The following CNKSR2 variants were observed in gnomAD, a reference collection of about 807,000 sequenced individuals.
CNKSR2 encodes CNK homolog protein 2.
A neutral mutation model predicts 84.4 loss-of-function variants in CNKSR2; 14 were observed. The observed-to-expected ratio is 0.17, with a 90% CI of 0.11 to 0.26. The LOEUF is 0.26. CNKSR2 is among the 10% of genes least tolerant of loss of function. The pLI, the probability that CNKSR2 is intolerant of heterozygous loss-of-function variation, is 1.00. For missense variants in CNKSR2, 485 were observed against 771.2 expected (o/e 0.63, Z 4.40); for synonymous variants, 275 against 277.9 (o/e 0.99, Z 0.10).
rs936173534 is a variant in CNKSR2 at position 21,519,906 on chromosome X, C to A, written c.957+3275C>A. 3.3e-4 allele frequency among the ~76,000 whole-genome samples: 37 copies of A among 110,663 alleles called. 1 individual carries two copies. Among genetic ancestry groups the A allele is most frequent in the African/African-American group, 1.1e-3 (33 of 30,704 alleles). Reference sequence around the variant, plus strand: ...ATGATTTTTTAAACTTATAAGGAATCGTTTTTATCTATACAAATAAAACAA... The same window carrying A: ...ATGATTTTTTAAACTTATAAGGAATAGTTTTTATCTATACAAATAAAACAA... On this transcript the variant is annotated intron_variant, in intron 9 of 21. Transcript: ENST00000379510.
At chrX:21,465,805 G>T (rs1466646695) in intron 4 of CNKSR2, among the ~76,000 whole-genome samples, 3 of 111,250 alleles carry the variant, frequency 2.7e-5, no homozygotes, top group Non-Finnish European at 3.8e-5. Context: ...TGACCCACCA[G>T]GCGCTTAAAA....
At chrX:21,580,641 A>T (rs2092347553) in intron 13 of CNKSR2, among the ~76,000 whole-genome samples, 1 of 111,976 alleles carries the variant, frequency 8.9e-6, no homozygotes, top group Admixed American at 9.5e-5. Flanking sequence ...CAGTCACATC[A>T]TTGCTGACAG....
intron 4 of CNKSR2, among the ~76,000 whole-genome samples, chrX:21,452,396 C>G (rs897892508): frequency 8.9e-6 from 1 of 111,785 alleles, no homozygotes; most frequent in Admixed American, 9.5e-5. Flanking sequence ...CTGGCCCACT[C>G]TAAATGAATT....
chrX:21,579,361 C>G (rs1273745386), intron 13 of CNKSR2, among the ~76,000 whole-genome samples: 1 of 111,678 alleles, frequency 9.0e-6, no homozygotes, highest in Non-Finnish European at 1.9e-5. Context: ...TGAAAATTCT[C>G]TACTGGGAGT....
In CNKSR2 at chrX:21,602,435, A is replaced by G. The variant is rs745412600; in HGVS notation, c.2044+1086A>G. Among the ~76,000 whole-genome samples, 131 of 112,325 alleles carry G rather than the reference A, an allele frequency of 1.2e-3. 2 individuals are homozygous for G. The highest frequency in any genetic ancestry group is 4.0e-3 in the African/African-American group (123 of 30,962). The stretch of plus-strand genomic sequence containing the variant: ...CTCCCAAAATGCTGGGATTACAGGC[A>G]TGAGCCATCGTGCCTGGCCTTCAGC... On this transcript the variant is annotated intron_variant, in intron 18 of 21. Coordinates refer to ENST00000379510, the MANE Select transcript of CNKSR2 (RefSeq NM_014927.5).
intron 5 of CNKSR2, among the ~76,000 whole-genome samples, chrX:21,488,205 T>A (rs773234801): frequency 9.0e-5 from 10 of 111,625 alleles, no homozygotes; most frequent in Non-Finnish European, 1.7e-4. Context: ...TTAAGAATAA[T>A]GAGATAATTC....
At chrX:21,642,770 C>A in intron 20 of CNKSR2, 1 of 704,562 alleles carries the variant, frequency 1.4e-6, no homozygotes, top group Non-Finnish European at 1.7e-6. Context: ...GCTAAGTATG[C>A]CTGATAGTAA....
intron 1 of CNKSR2, among the ~76,000 whole-genome samples, chrX:21,394,049 G>A (rs1188357512): frequency 1.1e-4 from 12 of 112,093 alleles, no homozygotes; most frequent in Middle Eastern, 9.2e-3. Context: ...ATCCTGTCCT[G>A]TATTTGTATG....
intron 6 of CNKSR2, among the ~76,000 whole-genome samples, chrX:21,496,196 C>T (rs1000422776): frequency 1.8e-5 from 2 of 111,950 alleles, no homozygotes; most frequent in African/African-American, 6.5e-5. Flanking sequence ...CATTATGCAT[C>T]ACATGACTGT....
intron 20 of CNKSR2, among the ~76,000 whole-genome samples, chrX:21,615,523 G>A (rs1442106260): frequency 9.0e-6 from 1 of 111,409 alleles, no homozygotes; most frequent in Non-Finnish European, 1.9e-5. Flanking sequence ...AAATCATATG[G>A]TAATAATACC....
Position 21,572,553 on chromosome X carries a change from T to C in CNKSR2, c.1608+9101T>C, listed in dbSNP as rs745752735. Among the ~76,000 whole-genome samples, 8 of 111,538 alleles carry C rather than the reference T, an allele frequency of 7.2e-5. 1 individual carries two copies. Among genetic ancestry groups the C allele is most frequent in the Non-Finnish European group, 1.3e-4 (7 of 53,090 alleles). ...ACAGTTCCACAGGACTGGGGAGGCC[T>C]CAGGAAACTTACAATCACGGCAGAA... On this transcript the variant is annotated intron_variant, in intron 13 of 21. Coordinates refer to ENST00000379510, the MANE Select transcript of CNKSR2 (RefSeq NM_014927.5).
At chrX:21,592,600 A>G (rs1484364917) in intron 15 of CNKSR2, 1 of 111,037 alleles carries the variant, frequency 9.0e-6, no homozygotes, top group Admixed American at 9.6e-5. Flanking sequence ...ACATTTTTCA[A>G]AGGGACCTCT....
At chrX:21,513,344 G>A (rs947741878) in intron 8 of CNKSR2, among the ~76,000 whole-genome samples, 3 of 111,507 alleles carry the variant, frequency 2.7e-5, no homozygotes, top group Admixed American at 1.9e-4. Flanking sequence ...GAGATGTAAC[G>A]GAACCATGTT....
At chrX:21,463,577 T>G (rs978407213) in intron 4 of CNKSR2, among the ~76,000 whole-genome samples, 2 of 111,450 alleles carry the variant, frequency 1.8e-5, no homozygotes, top group Admixed American at 9.6e-5. Context: ...TGTCTAGGAA[T>G]TTATCTATGA....
chrX:21,538,808 T>A (rs972493436), intron 11 of CNKSR2: 1 of 112,026 alleles, frequency 8.9e-6, no homozygotes, highest in African/African-American at 3.2e-5. Context: ...GAACCTGGAG[T>A]CTGATTCAAG....
Position 21,563,329 on chromosome X carries a change from G to C in CNKSR2, c.1485G>C (p.Lys495Asn). ...QRNSKKDTGKKSKKKGDKSNS... is the reference protein window; with the variant it reads ...QRNSKKDTGKNSKKKGDKSNS... ...ACAGCAAAAAGGACACAGGGAAGAA[G>C]TCAAAAAAGAAGGGTGATAAGAGTA... The change falls in exon 13 of 22, where the codon AAG (lysine) becomes AAC (asparagine). Residue 495 changes from lysine to asparagine, a missense_variant. Lys to Asn is a moderately conservative substitution (Grantham distance 94, BLOSUM62 0). This residue lies in a region of CNKSR2 where 132 missense variants were observed against 166.7 expected (regional missense o/e 0.79). Coordinates refer to ENST00000379510, the MANE Select transcript of CNKSR2 (RefSeq NM_014927.5). 8.3e-7 allele frequency: 1 copy of C among 1,210,086 alleles called. No homozygotes were observed.
intron 1 of CNKSR2, among the ~76,000 whole-genome samples, chrX:21,398,709 A>ATTAATTT (rs1434751147): frequency 1.1e-4 from 12 of 111,921 alleles, no homozygotes; most frequent in Non-Finnish European, 2.1e-4. Context: ...ACTGGCGCAT[A>ATTAATTT]GTGTAACTTA....
In CNKSR2 at chrX:21,497,805, A is replaced by T; in HGVS notation, c.700A>T (p.Thr234Ser). Residue 234 changes from threonine (T) to serine (S), a missense_variant, in exon 7 of 22, where the codon ACA (threonine) becomes TCA (serine). Transcript: ENST00000379510. ...TTCTTAGGGTATGTATATTAAATCTACATATGATGGCCTCCATGTAATTAC... is the reference window on the plus strand; with the variant it reads ...TTCTTAGGGTATGTATATTAAATCTTCATATGATGGCCTCCATGTAATTAC... ...SEGLGMYIKS[T>S]YDGLHVITGT... 1.1e-6 allele frequency: 1 copy of T among 943,243 alleles called. No homozygotes were observed. The highest frequency in any genetic ancestry group is 1.5e-6 in the Non-Finnish European group (1 of 651,312). 77.7% of individuals were successfully genotyped at this position (943,243 alleles called of 1,213,427 possible). A position where few individuals can be genotyped will look rare whatever the true frequency, so the allele number is the denominator to read the frequency against.
At chrX:21,462,495 T>A (rs2091073459) in intron 4 of CNKSR2, among the ~76,000 whole-genome samples, 1 of 111,187 alleles carries the variant, frequency 9.0e-6, no homozygotes, top group Non-Finnish European at 1.9e-5. Context: ...GTAATTTGAC[T>A]TCTTCCTTCC....
Sources: gnomAD v4.1 joint callset for allele counts (sites outside exome capture counted in the v4.1 genomes callset) on GRCh38, gnomAD v4.1.1 for gene constraint, gnomAD v4.1.1 regional missense constraint, MANE v1.5 for transcripts, NCBI Gene and HGNC (gene_info 2026-07-23, HGNC 2026-07-21) for gene names.